EHBP1: variants seen among roughly 807,000 people sequenced by gnomAD.
EHBP1 encodes EH domain-binding protein 1.
Under a neutral mutation model 144.0 loss-of-function variants are expected in EHBP1, and 55 were observed. That is an observed-to-expected ratio of 0.38 (90% CI 0.31 to 0.48). The LOEUF (loss-of-function observed/expected upper bound fraction) is 0.48, where lower values mean the gene tolerates loss of function less well. EHBP1 is among the 20% of genes least tolerant of loss of function. The probability of loss-of-function intolerance (pLI) is 0.98; values close to 1 mark genes in which losing one functional copy is unlikely to be tolerated. For synonymous variants in EHBP1, 469 were observed against 472.7 expected, an observed-to-expected ratio of 0.99 and a Z score of 0.10; for missense variants, 1,200 against 1,364.2, an observed-to-expected ratio of 0.88 and a Z score of 1.90.
chr2:62,708,495 G>A (rs190657338), intron 2 of EHBP1, among the ~76,000 whole-genome samples: 5 of 152,274 alleles, frequency 3.3e-5, no homozygotes, highest in South Asian at 4.1e-4. Flanking sequence ...CTTTGAGGAC[G>A]GGTTATTTAA....
intron 2 of EHBP1, among the ~76,000 whole-genome samples, chr2:62,736,073 C>T (rs1270261421): frequency 6.6e-6 from 1 of 151,806 alleles, no homozygotes; most frequent in Non-Finnish European, 1.5e-5. Context: ...GAGAAATTCT[C>T]AGTCATTATT....
At chr2:62,879,590 C>CACACACAGAG (rs1453595274) in intron 10 of EHBP1, among the ~76,000 whole-genome samples, 8 of 139,130 alleles carry the variant, frequency 5.8e-5, no homozygotes, top group Non-Finnish European at 9.5e-5. Context: ...CACACACACA[C>CACACACAGAG]AGAGACAGAG....
intron 7 of EHBP1, among the ~76,000 whole-genome samples, chr2:62,836,673 C>G (rs1344256052): frequency 8.7e-6 from 1 of 115,414 alleles, no homozygotes; most frequent in African/African-American, 3.3e-5. Flanking sequence ...AACCAAGGCT[C>G]GAGAACTACG....
intron 3 of EHBP1, among the ~76,000 whole-genome samples, chr2:62,749,301 C>G (rs2039451586): frequency 6.6e-6 from 1 of 152,198 alleles, no homozygotes; most frequent in South Asian, 2.1e-4. Flanking sequence ...CATGTCCCTT[C>G]AAAGGACATG....
intron 12 of EHBP1, among the ~76,000 whole-genome samples, chr2:62,946,293 A>G (rs1021696308): frequency 1.3e-5 from 2 of 152,206 alleles, no homozygotes; most frequent in Non-Finnish European, 1.5e-5. Flanking sequence ...TTGGATTTAC[A>G]TATTACTCCA....
At chr2:62,738,163 CTG>C (rs1444201131) in intron 2 of EHBP1, among the ~76,000 whole-genome samples, 2 of 152,060 alleles carry the variant, frequency 1.3e-5, no homozygotes, top group Non-Finnish European at 2.9e-5. Context: ...TGATTGTAGA[CTG>C]TATCTCCTAG....
chr2:63,012,381 A>G (rs1019841816), intron 19 of EHBP1, among the ~76,000 whole-genome samples: 3 of 152,092 alleles, frequency 2.0e-5, no homozygotes, highest in African/African-American at 7.2e-5. Flanking sequence ...GCTTTTAATA[A>G]TTATAAATTA....
Position 62,993,661 on chromosome 2 carries a change from T to G in EHBP1, c.2865T>G (p.Asn955Lys), listed in dbSNP as rs2059504061. ...AGTCTTTCAGCCAATATATTGAGAA[T>G]AGACCAGGTAGAACACTTTTTAAAA... Reference protein sequence around the residue: ...QLQSFSQYIENRPEMKRQRSI... With the variant: ...QLQSFSQYIEKRPEMKRQRSI... The change falls in exon 17 of 23, where the codon AAT becomes AAG. Residue 955 changes from asparagine (N) to lysine (K), a missense_variant. By Grantham distance (94) the Asn-to-Lys change is moderately conservative. Transcript: ENST00000431489. The G allele has an allele frequency of 6.9e-6, 11 of 1,588,682 alleles. No homozygotes were observed. The highest frequency in any genetic ancestry group is 1.3e-5 in the African/African-American group (1 of 74,190).
intron 10 of EHBP1, among the ~76,000 whole-genome samples, chr2:62,882,255 C>T (rs953633238): frequency 1.3e-5 from 2 of 152,140 alleles, no homozygotes; most frequent in African/African-American, 4.8e-5. Flanking sequence ...TTTTATATCA[C>T]GTGTTTTTTT....
intron 2 of EHBP1, among the ~76,000 whole-genome samples, chr2:62,721,979 A>G (rs575817821): frequency 2.0e-4 from 30 of 152,182 alleles, no homozygotes; most frequent in African/African-American, 6.3e-4. Flanking sequence ...TTTCCCCTCA[A>G]TTCCCCAAGT....
At chr2:62,968,825 C>G in intron 14 of EHBP1, among the ~76,000 whole-genome samples, 1 of 152,210 alleles carries the variant, frequency 6.6e-6, no homozygotes, top group Non-Finnish European at 1.5e-5. Flanking sequence ...GCCAGTCTGA[C>G]TGGCTTCTTT....
chr2:62,807,529 T>G (rs1205456568), intron 5 of EHBP1, among the ~76,000 whole-genome samples: 39 of 152,126 alleles, frequency 2.6e-4, no homozygotes, highest in Admixed American at 2.5e-3. Context: ...GCCTGGGCAA[T>G]AAGAGCGAAA....
chr2:62,833,461 C>T (rs1372245074), intron 7 of EHBP1, among the ~76,000 whole-genome samples: 4 of 152,222 alleles, frequency 2.6e-5, no homozygotes, highest in African/African-American at 9.6e-5. Context: ...ACAAAGTCAA[C>T]ACCTGGCTTC....
chr2:62,828,268 A>G (rs1423732018), intron 6 of EHBP1, among the ~76,000 whole-genome samples: 4 of 152,216 alleles, frequency 2.6e-5, no homozygotes, highest in Admixed American at 6.5e-5. Context: ...ATTTGGGGGA[A>G]GTATAGCAAA....
chr2:62,975,122 T>TG (rs2058656161), intron 14 of EHBP1, among the ~76,000 whole-genome samples: 1 of 152,196 alleles, frequency 6.6e-6, no homozygotes, highest in Non-Finnish European at 1.5e-5. Context: ...TTGGAACCTA[T>TG]GCCAGAATGA....
chr2:62,771,384 A>G lies in EHBP1; in HGVS notation c.304A>G (p.Ile102Val), dbSNP rs758671591. The G allele has an allele frequency of 6.3e-7, 1 of 1,593,844 alleles. No homozygotes were observed. The highest frequency in any genetic ancestry group is 8.5e-7 in the Non-Finnish European group (1 of 1,169,716). The change falls in exon 5 of 23, where the codon ATA becomes GTA. Residue 102 changes from isoleucine (I) to valine (V), a missense_variant. Physicochemically the swap from Ile to Val is conservative, Grantham distance 29. Around this residue, in one of 6 missense-constraint regions of EHBP1, gnomAD observed 137 missense variants for 190.1 expected, o/e 0.72. Coordinates refer to ENST00000431489, the MANE Select transcript of EHBP1 (RefSeq NM_001142616.3). Reference sequence around the variant, plus strand: ...TGAAGACAAAGAGTGGACATTTGTCATAGAAAATGTAAGCTAATGGCAAAT... The same window carrying G: ...TGAAGACAAAGAGTGGACATTTGTCGTAGAAAATGTAAGCTAATGGCAAAT... ...EFEDKEWTFVIENESPSGRRK... is the reference protein window; with the variant it reads ...EFEDKEWTFVVENESPSGRRK...
intron 5 of EHBP1, among the ~76,000 whole-genome samples, chr2:62,794,159 T>C (rs2043369039): frequency 6.6e-6 from 1 of 152,110 alleles, no homozygotes; most frequent in Admixed American, 6.6e-5. Flanking sequence ...ATCCACAGCA[T>C]TTTCCCCTAT....
intron 14 of EHBP1, among the ~76,000 whole-genome samples, chr2:62,956,740 A>G (rs932481788): frequency 2.0e-5 from 3 of 151,796 alleles, no homozygotes; most frequent in Admixed American, 1.3e-4. Flanking sequence ...AAAAACAACC[A>G]TCTTATTAGG....
At chr2:62,944,420 A>ACAATGTTTAGATACAAATGGTATTTG (rs1437504035) in intron 12 of EHBP1, among the ~76,000 whole-genome samples, 2 of 152,230 alleles carry the variant, frequency 1.3e-5, no homozygotes, top group Non-Finnish European at 1.5e-5. Context: ...ATACACAAAT[A>ACAATGTTTAGATACAAATGGTATTTG]CCATTGTGTT....
Sources: allele counts gnomAD v4.1 joint callset (sites outside exome capture counted in the v4.1 genomes callset), GRCh38; gene constraint gnomAD v4.1.1; regional missense constraint gnomAD v4.1.1; transcripts MANE v1.5; gene names NCBI Gene and HGNC (gene_info 2026-07-23, HGNC 2026-07-21).